The following WNK2 variants were observed in gnomAD, a reference collection of about 807,000 sequenced individuals.
WNK2 encodes the protein WNK lysine deficient protein kinase 2.
WNK2 carries 67 observed loss-of-function variants against 192.1 expected under a neutral mutation model. The observed-to-expected ratio is 0.35, with a 90% CI of 0.29 to 0.43. WNK2 has a LOEUF of 0.43. WNK2 is among the 20% of genes least tolerant of loss of function. The pLI, the probability that WNK2 is intolerant of heterozygous loss-of-function variation, is 1.00. For synonymous variants in WNK2, 1,439 were observed against 1,393.9 expected, an observed-to-expected ratio of 1.03 and a Z score of -0.72; for missense variants, 2,698 against 3,089.7, an observed-to-expected ratio of 0.87 and a Z score of 3.01.
chr9:93,205,629 G>A (rs758230540), intron 2 of WNK2, among the ~76,000 whole-genome samples: 6 of 152,374 alleles, frequency 3.9e-5, no homozygotes, highest in East Asian at 1.9e-4. Flanking sequence ...GCTGGCGCCC[G>A]CTCAGCCTCA....
At chr9:93,265,031 G>A (rs951988001) in intron 16 of WNK2, among the ~76,000 whole-genome samples, 2 of 152,238 alleles carry the variant, frequency 1.3e-5, no homozygotes, top group Non-Finnish European at 2.9e-5. Flanking sequence ...CTGCTCCTAG[G>A]GAGCAAGTCC....
chr9:93,242,277 C>T (rs962912361), intron 7 of WNK2, among the ~76,000 whole-genome samples: 3 of 152,184 alleles, frequency 2.0e-5, no homozygotes, highest in Non-Finnish European at 4.4e-5. Context: ...CCTGTGTCCC[C>T]ACCTGGCCCA....
Position 93,319,177 on chromosome 9 carries a change from GA to G in WNK2, c.6629-1188del, listed in dbSNP as rs1345093942. ...GGAATCCCCAATAGATTGTATATCTGAAGGAGAAAAATAAACACTTTTGCTC... is the reference window on the plus strand; with the variant it reads ...GGAATCCCCAATAGATTGTATATCTGAGGAGAAAAATAAACACTTTTGCTC... On this transcript the variant is annotated intron_variant, in intron 29 of 29. Transcript: ENST00000427277. 3 of 1,613,776 alleles carry G rather than the reference GA, an allele frequency of 1.9e-6. No homozygotes were observed. The South Asian group carries it at 3.3e-5, about 18-fold the overall frequency.
intron 28 of WNK2, among the ~76,000 whole-genome samples, chr9:93,310,657 C>T (rs182056028): frequency 2.6e-5 from 4 of 152,262 alleles, no homozygotes; most frequent in East Asian, 1.9e-4. Context: ...GCCCTGGTAG[C>T]CTCTATCCTT....
intron 19 of WNK2, among the ~76,000 whole-genome samples, chr9:93,272,638 T>C (rs897327243): frequency 6.7e-6 from 1 of 149,044 alleles, no homozygotes; most frequent in Non-Finnish European, 1.5e-5. Flanking sequence ...CTCAGGAGGC[T>C]GAGGCAGGAG....
chr9:93,300,499 A>G (rs1205818715), intron 26 of WNK2, among the ~76,000 whole-genome samples: 2 of 150,798 alleles, frequency 1.3e-5, no homozygotes. Flanking sequence ...TTTTTTTTTT[A>G]TGTTGGATGT....
intron 19 of WNK2, among the ~76,000 whole-genome samples, chr9:93,272,410 G>A (rs1846127202): frequency 6.6e-6 from 1 of 152,154 alleles, no homozygotes; most frequent in South Asian, 2.1e-4. Context: ...AAAAAGATGT[G>A]TATAGGCAAA....
At chr9:93,269,998 G>A (rs543196476) in intron 19 of WNK2, among the ~76,000 whole-genome samples, 1 of 152,330 alleles carries the variant, frequency 6.6e-6, no homozygotes, top group Non-Finnish European at 1.5e-5. Flanking sequence ...GAGACATAGG[G>A]ATGTGAACCT....
chr9:93,194,995 G>A (rs1466270139), intron 2 of WNK2, among the ~76,000 whole-genome samples: 1 of 150,420 alleles, frequency 6.6e-6, no homozygotes, highest in Non-Finnish European at 1.5e-5. Flanking sequence ...TGACATTCTG[G>A]AAAAGACGAG....
rs1010237325 is a variant in WNK2, at chr9:93,292,897, A to T, written c.5432A>T (p.Asp1811Val). ...GAGCCCGTGTCCAGCGACTCTGGGG[A>T]CGAGGGCCCTCGGGCGAGACCCCCG... ...VGEPVSSDSG[D>V]EGPRARPPVQ... The change falls in exon 23 of 30, where the codon GAC becomes GTC. Residue 1811 changes from aspartate to valine, a missense_variant. Physicochemically the swap from Asp to Val is radical, Grantham distance 152. This residue lies in a region of WNK2 where 1,098 missense variants were observed against 1,101.0 expected (regional missense o/e 1.00). Coordinates refer to ENST00000427277, the MANE Select transcript of WNK2 (RefSeq NM_006648.4). 6.6e-7 allele frequency: 1 copy of T among 1,518,878 alleles called. No homozygotes were observed. Among genetic ancestry groups the T allele is most frequent in the African/African-American group, 1.4e-5 (1 of 72,196 alleles). 94.1% of individuals were successfully genotyped at this position (1,518,878 alleles called of 1,614,324 possible).
At chr9:93,221,687 A>C (rs1223264273) in intron 2 of WNK2, among the ~76,000 whole-genome samples, 1 of 152,218 alleles carries the variant, frequency 6.6e-6, no homozygotes. Flanking sequence ...TTTGGTCCTT[A>C]GAGTCTTACG....
intron 28 of WNK2, chr9:93,316,141 A>G (rs1854624088): frequency 6.6e-6 from 1 of 152,212 alleles, no homozygotes; most frequent in Non-Finnish European, 1.5e-5. Flanking sequence ...TGTTTGCTTT[A>G]GCAATTCCCT....
chr9:93,244,142 T>C (rs1348778596), intron 7 of WNK2, among the ~76,000 whole-genome samples: 2 of 152,244 alleles, frequency 1.3e-5, no homozygotes, highest in Admixed American at 1.3e-4. Flanking sequence ...CTTAGAGGTG[T>C]TCTGGAATCC....
rs538796761 is a variant in WNK2 at position 93,282,289 on chromosome 9, C to T, written c.4034-6499C>T. Among the ~76,000 whole-genome samples, 3 of 31,570 alleles carry T rather than the reference C, an allele frequency of 9.5e-5. No individual in the cohort carries two copies. In the Admixed American group the frequency reaches 1.8e-3, roughly 19 times the overall value. The allele number at this position is 31,570 out of a possible 152,430, so 20.7% of individuals were successfully genotyped here. On this transcript the variant is annotated intron_variant, in intron 19 of 29. Coordinates refer to ENST00000427277, the MANE Select transcript of WNK2 (RefSeq NM_006648.4). ...CTCGTAGAATAGCAGATAACCTCCA[C>T]ACTTGTGGAGGGGGCAGGTGGGGAA...
Position 93,308,592 on chromosome 9 carries a change from C to CGGGGCGGGT in WNK2, c.6516+19_6516+27dup. 2.8e-6 allele frequency: 1 copy of CGGGGCGGGT among 353,854 alleles called. No individual in the cohort carries two copies. The highest frequency in any genetic ancestry group is 2.5e-5 in the South Asian group (1 of 39,970). The allele number at this position is 353,854 out of a possible 1,614,324, so 21.9% of individuals were successfully genotyped here. A position where few individuals can be genotyped will look rare whatever the true frequency, so the allele number is the denominator to read the frequency against. On this transcript the variant is annotated intron_variant, in intron 28 of 29. Coordinates refer to ENST00000427277, the MANE Select transcript of WNK2 (RefSeq NM_006648.4). ...CCTGGCGAGGCGCGGGCTGTGAGTG[C>CGGGGCGGGT]GGGGCGGGTGGGGCGGGTGCTCCTG...
intron 29 of WNK2, chr9:93,319,297 G>A: frequency 6.8e-7 from 1 of 1,462,862 alleles, no homozygotes; most frequent in Non-Finnish European, 9.1e-7. Context: ...TTGGGAGCCA[G>A]TTCTGGGCTC....
chr9:93,189,366 C>T (rs1481631232), intron 2 of WNK2, among the ~76,000 whole-genome samples: 1 of 152,316 alleles, frequency 6.6e-6, no homozygotes, highest in East Asian at 1.9e-4. Flanking sequence ...TTCCTTGATC[C>T]TCAGCTCAGA....
At chr9:93,192,356 T>C (rs1192824827) in intron 2 of WNK2, among the ~76,000 whole-genome samples, 1 of 149,978 alleles carries the variant, frequency 6.7e-6, no homozygotes, top group Non-Finnish European at 1.5e-5. Context: ...AATCATGGTG[T>C]GGCAGCAGCT....
Position 93,259,226 on chromosome 9 carries a change from G to C in WNK2, c.2678G>C (p.Gly893Ala). The change falls in exon 12 of 30, where the codon GGC becomes GCC. Residue 893 changes from glycine to alanine, a missense_variant. Coordinates refer to ENST00000427277, the MANE Select transcript of WNK2 (RefSeq NM_006648.4). The surrounding 1 kb of genome is among the most constrained non-coding windows in gnomAD (Gnocchi z 4.8). ...TIPLLAVAPP[G>A]VAALSIHSAV... ...CCCCTGCTGGCCGTAGCCCCACCGGGCGTGGCTGCCCTGTCCATTCATTCT... is the reference window on the plus strand; with the variant it reads ...CCCCTGCTGGCCGTAGCCCCACCGGCCGTGGCTGCCCTGTCCATTCATTCT... 6.2e-7 allele frequency: 1 copy of C among 1,613,270 alleles called. No individual in the cohort carries two copies.
Sources: gnomAD v4.1 joint callset for allele counts (sites outside exome capture counted in the v4.1 genomes callset) on GRCh38, gnomAD v4.1.1 for gene constraint, gnomAD v4.1.1 regional missense constraint, Gnocchi (gnomAD v3.1) non-coding constraint, MANE v1.5 for transcripts, NCBI Gene and HGNC (gene_info 2026-07-23, HGNC 2026-07-21) for gene names.